The following NT5DC3 variants were observed in gnomAD, a reference collection of about 807,000 sequenced individuals.
NT5DC3 encodes 5'-nucleotidase domain-containing protein 3.
A neutral mutation model predicts 67.8 loss-of-function variants in NT5DC3; 42 were observed. That is an observed-to-expected ratio of 0.62 (90% CI 0.48 to 0.80). NT5DC3 has a LOEUF of 0.80. Among genes scored for constraint, NT5DC3 ranks in the 30% least tolerant of loss-of-function variants. The pLI is 0.00. For missense variants in NT5DC3, 570 were observed against 696.4 expected (o/e 0.82, Z 2.04); for synonymous variants, 237 against 255.6 (o/e 0.93, Z 0.69).
intron 1 of NT5DC3, among the ~76,000 whole-genome samples, chr12:103,827,937 A>G (rs980283568): frequency 6.6e-6 from 1 of 152,234 alleles, no homozygotes; most frequent in Non-Finnish European, 1.5e-5. Context: ...CTGACCACAA[A>G]CTGAACACGA....
intron 11 of NT5DC3, 135 bp downstream of exon 11, chr12:103,787,306 T>C (rs924815090): frequency 2.2e-6 from 1 of 463,206 alleles, no homozygotes; most frequent in Non-Finnish European, 3.8e-6. Flanking sequence ...TTTTAGGTTT[T>C]ATGAAAGCAT....
chr12:103,753,234 G>A, the NT5DC3 span: 3 of 1,614,176 alleles, frequency 1.9e-6, no homozygotes, highest in Non-Finnish European at 2.5e-6. Flanking sequence ...CACTGTTGGG[G>A]TGTTCCATCT....
chr12:103,761,549 G>T, the NT5DC3 span: 1 of 713,444 alleles, frequency 1.4e-6, no homozygotes. Context: ...CAACCTCCAA[G>T]GTAGCTGGCC....
chr12:103,783,318 A>G (rs1319279335), intron 12 of NT5DC3, among the ~76,000 whole-genome samples: 1 of 152,198 alleles, frequency 6.6e-6, no homozygotes, highest in Non-Finnish European at 1.5e-5. Context: ...CAAGGCAATC[A>G]ATATAGGTGC....
chr12:103,776,901 A>G lies in NT5DC3; in HGVS notation c.*928T>C, dbSNP rs1481535709. ...CTGGTAAATCTCATGTTTTAACAGGATTCCAATTCAACTGGGTGGGTGGCA... is the reference window on the plus strand; with the variant it reads ...CTGGTAAATCTCATGTTTTAACAGGGTTCCAATTCAACTGGGTGGGTGGCA... On this transcript the variant is annotated 3_prime_UTR_variant, in exon 14 of 14. Transcript: ENST00000392876. 1.3e-5 allele frequency: 2 copies of G among 152,234 alleles called. No individual in the cohort carries two copies. The allele number at this position is 152,234 out of a possible 1,614,324, so 9.4% of individuals were successfully genotyped here.
intron 12 of NT5DC3, among the ~76,000 whole-genome samples, chr12:103,781,901 G>C (rs1311018194): frequency 2.6e-5 from 4 of 152,038 alleles, no homozygotes; most frequent in Non-Finnish European, 5.9e-5. Flanking sequence ...AGCTCTTTAG[G>C]GGCAAAACAG....
chr12:103,832,230 G>C (rs1377781457), intron 1 of NT5DC3, among the ~76,000 whole-genome samples: 1 of 151,874 alleles, frequency 6.6e-6, no homozygotes, highest in African/African-American at 2.4e-5. Context: ...ACTGCTGAAA[G>C]CCAAAGTCCA....
rs533476437 is a variant in NT5DC3 at position 103,827,979 on chromosome 12, T to C, written c.209-12858A>G. On this transcript the variant is annotated intron_variant, in intron 1 of 13. Transcript: ENST00000392876. ...TTTTAAAGTTACAGAAGTACAGTGT[T>C]TGTTCACCAAGGAAGAGCCAGTTGC... 8.6e-4 allele frequency among the ~76,000 whole-genome samples: 131 copies of C among 152,326 alleles called. 4 individuals are homozygous for C. The South Asian group carries it at 0.026, about 30-fold the overall frequency.
intron 2 of NT5DC3, 103 bp from the exon 3 acceptor site, chr12:103,807,032 G>C (rs1298170417): frequency 2.9e-6 from 2 of 696,834 alleles, no homozygotes; most frequent in Non-Finnish European, 5.2e-6. Flanking sequence ...TGATACACCA[G>C]TGGGAGGTTG....
the NT5DC3 span, chr12:103,746,589 CTTTGCAGT>C: frequency 6.2e-7 from 1 of 1,613,810 alleles, no homozygotes; most frequent in Non-Finnish European, 8.5e-7. Context: ...TGGCCCCTTT[CTTTGCAGT>C]TTTGCCTGCA....
At chr12:103,749,811 G>A in the NT5DC3 span, among the ~76,000 whole-genome samples, 2 of 116,974 alleles carry the variant, frequency 1.7e-5, no homozygotes, top group African/African-American at 6.7e-5. Context: ...CTGCACTCCA[G>A]CCTGGGTGAC....
At chr12:103,755,631 G>GGT in the NT5DC3 span, 2 of 1,614,178 alleles carry the variant, frequency 1.2e-6, no homozygotes, top group Non-Finnish European at 1.7e-6. Flanking sequence ...GCACCTGCAA[G>GGT]GTGGGCTATG....
In NT5DC3 at chr12:103,841,069, C is replaced by CG; in HGVS notation, c.87dup (p.Ala30ArgfsTer61). 4 of 1,262,484 alleles carry CG rather than the reference C, an allele frequency of 3.2e-6. No homozygotes were observed. Among genetic ancestry groups the CG allele is most frequent in the Non-Finnish European group, 4.0e-6 (4 of 1,007,142 alleles). 78.2% of individuals were successfully genotyped at this position (1,262,484 alleles called of 1,614,324 possible). The stretch of plus-strand genomic sequence containing the variant: ...CCCGCACACGGCCGCCCCCGAGCCG[C>CG]GGTCCCGCAGCCACCCCGCAAAGCC... On this transcript the variant is annotated frameshift_variant, in exon 1 of 14. Coordinates refer to ENST00000392876, the MANE Select transcript of NT5DC3 (RefSeq NM_001031701.3). LOFTEE classifies it high-confidence loss of function.
the NT5DC3 span, chr12:103,758,219 A>G: frequency 6.2e-7 from 1 of 1,614,130 alleles, no homozygotes; most frequent in Admixed American, 1.7e-5. Flanking sequence ...GCATTTCTAG[A>G]ACACCTGACT....
chr12:103,763,724 G>A, the NT5DC3 span: 128,474 of 1,011,674 alleles, frequency 0.13, 12,057 homozygotes, highest in East Asian at 0.47. Flanking sequence ...TAGAATGTAT[G>A]TCAGGTAACA....
chr12:103,756,811 C>G, the NT5DC3 span, among the ~76,000 whole-genome samples: 1 of 151,908 alleles, frequency 6.6e-6, no homozygotes, highest in Non-Finnish European at 1.5e-5. Flanking sequence ...CCAAAGATAT[C>G]CATCTCACTG....
intron 12 of NT5DC3, among the ~76,000 whole-genome samples, chr12:103,781,891 A>C (rs1885567297): frequency 6.6e-6 from 1 of 152,208 alleles, no homozygotes. Flanking sequence ...GGGCATAATC[A>C]GCTCTTTAGG....
At chr12:103,835,950 C>T (rs1888126446) in intron 1 of NT5DC3, among the ~76,000 whole-genome samples, 1 of 152,182 alleles carries the variant, frequency 6.6e-6, no homozygotes. Context: ...ACACTTCTCA[C>T]ATGGCGGCAG....
At chr12:103,762,739 A>G in the NT5DC3 span, among the ~76,000 whole-genome samples, 2 of 152,168 alleles carry the variant, frequency 1.3e-5, no homozygotes, top group African/African-American at 4.8e-5. Context: ...TTCACTGCAC[A>G]AGCACACCCC....
Sources: gnomAD v4.1 joint callset for allele counts (sites outside exome capture counted in the v4.1 genomes callset) on GRCh38, gnomAD v4.1.1 for gene constraint, MANE v1.5 for transcripts, NCBI Gene and HGNC (gene_info 2026-07-23, HGNC 2026-07-21) for gene names.